AIG1: variants seen among roughly 807,000 people sequenced by gnomAD.
AIG1 encodes the protein androgen induced 1.
In AIG1, 23 loss-of-function variants were observed where a neutral mutation model predicts 31.4. The ratio of observed to expected loss-of-function variants is 0.73; its 90% CI spans 0.53 to 1.04. The LOEUF (loss-of-function observed/expected upper bound fraction) is 1.04. Ranked by LOEUF, AIG1 falls within the 50% of genes least tolerant of loss-of-function variation. The pLI, the probability that AIG1 is intolerant of heterozygous loss-of-function variation, is 0.00. For synonymous variants in AIG1, 100 were observed against 110.5 expected (o/e 0.90, Z 0.60); for missense variants, 274 against 295.0 (o/e 0.93, Z 0.52).
chr6:143,092,671 T>A (rs1779408196), intron 1 of AIG1, among the ~76,000 whole-genome samples: 1 of 152,032 alleles, frequency 6.6e-6, no homozygotes, highest in Admixed American at 6.6e-5. Flanking sequence ...CCCTTAGATT[T>A]TCGAAATGGT....
chr6:143,187,876 G>A (rs2128592965), intron 3 of AIG1: 1 of 1,392,644 alleles, frequency 7.2e-7, no homozygotes, highest in Non-Finnish European at 9.3e-7. Flanking sequence ...CCGCAGCATT[G>A]TCAAAAATTA....
intron 1 of AIG1, among the ~76,000 whole-genome samples, chr6:143,074,868 G>A (rs1161157480): frequency 6.6e-6 from 1 of 152,026 alleles, no homozygotes; most frequent in African/African-American, 2.4e-5. Flanking sequence ...GGATATGTTG[G>A]CCTCATTCCT....
intron 4 of AIG1, among the ~76,000 whole-genome samples, chr6:143,296,122 A>G (rs2128692862): frequency 6.6e-6 from 1 of 152,134 alleles, no homozygotes; most frequent in African/African-American, 2.4e-5. Flanking sequence ...ACTTAGTTCA[A>G]TGGTAACCAT....
intron 2 of AIG1, among the ~76,000 whole-genome samples, chr6:143,143,409 G>A (rs1310164779): frequency 1.4e-5 from 2 of 144,808 alleles, no homozygotes; most frequent in South Asian, 2.3e-4. Flanking sequence ...GCTGAGGCAG[G>A]AGAATGGCGT....
chr6:143,172,862 C>G (rs1056419559), intron 3 of AIG1, among the ~76,000 whole-genome samples: 1 of 152,078 alleles, frequency 6.6e-6, no homozygotes, highest in African/African-American at 2.4e-5. Context: ...TAAAGGTGTT[C>G]ACCGTAGCCT....
chr6:143,248,657 G>A lies in AIG1; in HGVS notation c.400-35453G>A, dbSNP rs536529286. ...AAAAGGCCAGCTCATCCTGAGCCAC[G>A]AGTCAAGCTCTATGAGTTCCGTTAC... On this transcript the variant is annotated intron_variant, in intron 3 of 5. Coordinates refer to ENST00000357847, the MANE Select transcript of AIG1 (RefSeq NM_016108.4). Among the ~76,000 whole-genome samples the A allele has an allele frequency of 9.8e-5, 15 of 152,312 alleles. No individual in the cohort carries two copies. In the East Asian group the frequency reaches 2.7e-3, roughly 27 times the overall value.
chr6:143,143,500 C>CAAAA (rs60620136), intron 2 of AIG1, among the ~76,000 whole-genome samples: 23 of 27,484 alleles, frequency 8.4e-4, no homozygotes, highest in East Asian at 6.2e-3. Context: ...GACTTCATCT[C>CAAAA]AAAAAAAAAA....
At chr6:143,237,060 G>A (rs1793860714) in intron 3 of AIG1, among the ~76,000 whole-genome samples, 1 of 152,134 alleles carries the variant, frequency 6.6e-6, no homozygotes, top group African/African-American at 2.4e-5. Context: ...CGGTAAGCAA[G>A]GCATCTAAAT....
chr6:143,100,705 A>G (rs1780191002), intron 1 of AIG1, among the ~76,000 whole-genome samples: 1 of 147,684 alleles, frequency 6.8e-6, no homozygotes, highest in African/African-American at 2.5e-5. Flanking sequence ...TTTTTTTTTG[A>G]GATGAAGTCT....
intron 1 of AIG1, among the ~76,000 whole-genome samples, chr6:143,130,166 T>A (rs1783084672): frequency 6.6e-6 from 1 of 151,940 alleles, no homozygotes; most frequent in Non-Finnish European, 1.5e-5. Context: ...CTTGACCTCG[T>A]GATCCACCCA....
chr6:143,068,337 T>C (rs569210366), intron 1 of AIG1, among the ~76,000 whole-genome samples: 2 of 152,368 alleles, frequency 1.3e-5, no homozygotes, highest in East Asian at 3.9e-4. Flanking sequence ...AAAATCTTAC[T>C]GCTTAGGATT....
chr6:143,289,286 A>G (rs150746638), intron 4 of AIG1, among the ~76,000 whole-genome samples: 4 of 152,270 alleles, frequency 2.6e-5, no homozygotes, highest in East Asian at 3.9e-4. Flanking sequence ...CCTATCTGTT[A>G]TGTGATGCTA....
At chr6:143,154,906 G>A (rs563958811) in intron 2 of AIG1, among the ~76,000 whole-genome samples, 10 of 152,026 alleles carry the variant, frequency 6.6e-5, no homozygotes, top group East Asian at 1.9e-4. Flanking sequence ...GGAGTGCAGC[G>A]GTGTGATCTC....
chr6:143,209,062 C>G (rs1429189392), intron 3 of AIG1, among the ~76,000 whole-genome samples: 2 of 152,152 alleles, frequency 1.3e-5, no homozygotes, highest in Non-Finnish European at 2.9e-5. Context: ...CTGAGTGTCT[C>G]TCTGCACTGG....
chr6:143,089,434 T>C (rs1461042654), intron 1 of AIG1, among the ~76,000 whole-genome samples: 1 of 152,144 alleles, frequency 6.6e-6, no homozygotes, highest in Non-Finnish European at 1.5e-5. Flanking sequence ...CTTCTGTAAG[T>C]CATAAAGCTT....
intron 3 of AIG1, among the ~76,000 whole-genome samples, chr6:143,181,044 T>A (rs1788670008): frequency 6.6e-6 from 1 of 152,192 alleles, no homozygotes; most frequent in Non-Finnish European, 1.5e-5. Context: ...ATGGTAAGTT[T>A]CCAGCTCTGG....
chr6:143,176,317 T>C (rs925590642), intron 3 of AIG1, among the ~76,000 whole-genome samples: 10 of 152,172 alleles, frequency 6.6e-5, no homozygotes, highest in African/African-American at 2.4e-4. Flanking sequence ...GTGCATCAGC[T>C]GCGGGAGTAT....
chr6:143,333,501 T>C lies in AIG1; in HGVS notation c.679+56T>C, dbSNP rs1183506567. 5 of 1,556,748 alleles carry C rather than the reference T, an allele frequency of 3.2e-6. No homozygotes were observed. The highest frequency in any genetic ancestry group is 4.4e-6 in the Non-Finnish European group (5 of 1,148,834). ...GAGAATTACTGCCGGCAACAGTCTA[T>C]GCAGAGACTGAGGGAAAATTCCACT... On this transcript the variant is annotated intron_variant, in intron 5 of 5. Coordinates refer to ENST00000357847, the MANE Select transcript of AIG1 (RefSeq NM_016108.4). The surrounding 1 kb of genome is among the most constrained non-coding windows in gnomAD (Gnocchi z 4.6).
intron 4 of AIG1, among the ~76,000 whole-genome samples, chr6:143,286,536 A>C (rs557131548): frequency 3.9e-5 from 6 of 152,154 alleles, no homozygotes; most frequent in Non-Finnish European, 8.8e-5. Context: ...CCAAGATTTT[A>C]ATTGTTATCA....
Sources: allele counts gnomAD v4.1 joint callset (sites outside exome capture counted in the v4.1 genomes callset), GRCh38; gene constraint gnomAD v4.1.1; non-coding constraint Gnocchi (gnomAD v3.1); transcripts MANE v1.5; gene names NCBI Gene and HGNC (gene_info 2026-07-23, HGNC 2026-07-21).